PIK3C2G: variants seen among roughly 807,000 people sequenced by gnomAD.
PIK3C2G encodes phosphatidylinositol 3-kinase C2 domain-containing subunit gamma.
A neutral mutation model predicts 181.1 loss-of-function variants in PIK3C2G; 168 were observed. The observed-to-expected ratio is 0.93, with a 90% CI of 0.82 to 1.05. The LOEUF is 1.05. Among genes scored for constraint, PIK3C2G ranks in the 50% least tolerant of loss-of-function variants. PIK3C2G has a pLI of 0.00. For synonymous variants in PIK3C2G, 573 were observed against 592.2 expected (o/e 0.97, Z 0.47); for missense variants, 1,869 against 1,732.8 (o/e 1.08, Z -1.40).
chr12:18,502,439 C>T (rs995724600), intron 22 of PIK3C2G, among the ~76,000 whole-genome samples: 1 of 152,188 alleles, frequency 6.6e-6, no homozygotes, highest in African/African-American at 2.4e-5. Flanking sequence ...ATTGTCGAGA[C>T]TATGGAAATC....
intron 8 of PIK3C2G, among the ~76,000 whole-genome samples, chr12:18,331,612 T>C (rs1937975876): frequency 6.6e-6 from 1 of 152,020 alleles, no homozygotes; most frequent in Non-Finnish European, 1.5e-5. Context: ...GAAATAATTT[T>C]ATGTTTTCCT....
chr12:18,312,977 G>A (rs1950702255), intron 5 of PIK3C2G, among the ~76,000 whole-genome samples: 1 of 151,952 alleles, frequency 6.6e-6, no homozygotes, highest in South Asian at 2.1e-4. Context: ...ACTATTTACT[G>A]AATTTTCCAT....
At chr12:18,450,896 G>T (rs1947309733) in intron 18 of PIK3C2G, among the ~76,000 whole-genome samples, 1 of 152,088 alleles carries the variant, frequency 6.6e-6, no homozygotes, top group African/African-American at 2.4e-5. Context: ...TAGACGTGTG[G>T]TGTTATTTCT....
At chr12:18,323,574 G>A (rs1951202713) in intron 7 of PIK3C2G, among the ~76,000 whole-genome samples, 1 of 151,762 alleles carries the variant, frequency 6.6e-6, no homozygotes, top group African/African-American at 2.4e-5. Flanking sequence ...CTTTACTTTT[G>A]GGGATACAAT....
chr12:18,621,255 C>T (rs140435267), intron 31 of PIK3C2G, among the ~76,000 whole-genome samples: 8 of 151,622 alleles, frequency 5.3e-5, no homozygotes, highest in Non-Finnish European at 1.2e-4. Flanking sequence ...TGCCTGTTAG[C>T]TCATAAACAA....
chr12:18,432,440 A>T (rs1310796346), intron 18 of PIK3C2G, among the ~76,000 whole-genome samples: 1 of 152,188 alleles, frequency 6.6e-6, no homozygotes, highest in East Asian at 1.9e-4. Context: ...TATAATAACC[A>T]CATCCAATTA....
chr12:18,362,708 G>T, intron 11 of PIK3C2G, 56 bp from the exon 12 acceptor site: 1 of 1,323,364 alleles, frequency 7.6e-7, no homozygotes, highest in Non-Finnish European at 1.0e-6. Context: ...GACCCATATA[G>T]AAAGCTAGTT....
chr12:18,353,871 T>G (rs945093789), intron 11 of PIK3C2G, among the ~76,000 whole-genome samples: 1 of 152,174 alleles, frequency 6.6e-6, no homozygotes, highest in Non-Finnish European at 1.5e-5. Flanking sequence ...TAGGTCAGTA[T>G]AGTTGAGAGG....
the PIK3C2G span, among the ~76,000 whole-genome samples, chr12:18,670,195 A>G: frequency 6.6e-6 from 1 of 152,174 alleles, no homozygotes; most frequent in East Asian, 1.9e-4. Flanking sequence ...AACAAGATCA[A>G]TATAAAAATG....
At chr12:18,564,745 C>CA (rs897561313) in intron 28 of PIK3C2G, among the ~76,000 whole-genome samples, 2 of 151,470 alleles carry the variant, frequency 1.3e-5, no homozygotes, top group Admixed American at 6.6e-5. Flanking sequence ...GAGACACAGG[C>CA]AAAAAAAAGC....
intron 16 of PIK3C2G, among the ~76,000 whole-genome samples, chr12:18,401,419 C>T (rs565996816): frequency 1.3e-5 from 2 of 152,058 alleles, no homozygotes; most frequent in African/African-American, 4.8e-5. Context: ...CATGATCCTA[C>T]CCCTTTTTCT....
At chr12:18,636,208 GC>G (rs1272231659) in intron 31 of PIK3C2G, among the ~76,000 whole-genome samples, 1 of 152,136 alleles carries the variant, frequency 6.6e-6, no homozygotes, top group African/African-American at 2.4e-5. Context: ...AAAGCAAACT[GC>G]TTCTGGTGGT....
chr12:18,383,807 G>A (rs1942991470), intron 14 of PIK3C2G, among the ~76,000 whole-genome samples: 3 of 150,948 alleles, frequency 2.0e-5, no homozygotes, highest in African/African-American at 4.9e-5. Flanking sequence ...GTTTGGGTTT[G>A]GGTGTTTTTT....
intron 2 of PIK3C2G, among the ~76,000 whole-genome samples, 188 bp from the exon 3 acceptor site, chr12:18,286,659 A>G (rs1949457226): frequency 6.6e-6 from 1 of 152,110 alleles, no homozygotes. Flanking sequence ...TATGCCTTCC[A>G]CAGAACTCAA....
At chr12:18,646,920 A>C (rs977328977) in intron 32 of PIK3C2G, among the ~76,000 whole-genome samples, 7 of 152,110 alleles carry the variant, frequency 4.6e-5, no homozygotes, top group Non-Finnish European at 8.8e-5. Context: ...TGAAAAAAAA[A>C]GTCACAAAAA....
chr12:18,493,107 T>A (rs1049221404), intron 20 of PIK3C2G: 3 of 152,238 alleles, frequency 2.0e-5, no homozygotes, highest in Admixed American at 1.3e-4. Flanking sequence ...GAAATGAGTA[T>A]GGAAAAGCTC....
At chr12:18,688,193 A>G in the PIK3C2G span, 2 of 1,610,668 alleles carry the variant, frequency 1.2e-6, no homozygotes, top group East Asian at 4.5e-5. Flanking sequence ...TGAATGAGTA[A>G]GAGGCAACTG....
chr12:18,521,375 G>A (rs1236527363), intron 24 of PIK3C2G, among the ~76,000 whole-genome samples: 5 of 152,190 alleles, frequency 3.3e-5, no homozygotes, highest in Admixed American at 2.0e-4. Flanking sequence ...CTGGCCTGCC[G>A]AATCTGTGGC....
chr12:18,513,821 T>C (rs1942364249), intron 24 of PIK3C2G, among the ~76,000 whole-genome samples: 1 of 151,800 alleles, frequency 6.6e-6, no homozygotes, highest in Admixed American at 6.6e-5. Context: ...TGATTTTTTT[T>C]CTGTTGTTTT....
Sources: gnomAD v4.1 joint callset for allele counts (sites outside exome capture counted in the v4.1 genomes callset) on GRCh38, gnomAD v4.1.1 for gene constraint, MANE v1.5 for transcripts, NCBI Gene and HGNC (gene_info 2026-07-23, HGNC 2026-07-21) for gene names.